The following PCDHA1 variants were observed in gnomAD, a reference collection of about 807,000 sequenced individuals.
The protein encoded by PCDHA1 is protocadherin alpha-1.
In PCDHA1, 42 loss-of-function variants were observed where a neutral mutation model predicts 61.3. The ratio of observed to expected loss-of-function variants is 0.69; its 90% CI spans 0.54 to 0.89. The LOEUF (loss-of-function observed/expected upper bound fraction) is 0.89, where lower values mean the gene tolerates loss of function less well. Among genes scored for constraint, PCDHA1 ranks in the 40% least tolerant of loss-of-function variants. The probability of loss-of-function intolerance (pLI) is 0.00; values close to 1 mark genes in which losing one functional copy is unlikely to be tolerated. For synonymous variants in PCDHA1, 610 were observed against 553.8 expected (o/e 1.10, Z -1.43); for missense variants, 1,256 against 1,235.3 (o/e 1.02, Z -0.25).
In PCDHA1 at chr5:140,801,882, A is replaced by G. The variant is rs782326685; in HGVS notation, c.2394+13198A>G. On this transcript the variant is annotated intron_variant, in intron 1 of 3. Coordinates refer to ENST00000504120, the MANE Select transcript of PCDHA1 (RefSeq NM_018900.4). ...AGAGCTCACTGGCACGACTCAACTA[A>G]AGATCACTGTTTTAGATGTAAACGA... The G allele has an allele frequency of 1.9e-6, 3 of 1,614,186 alleles. No homozygotes were observed. The highest frequency in any genetic ancestry group is 2.5e-6 in the Non-Finnish European group (3 of 1,180,050).
At position 140,853,244 on chromosome 5, in the gene PCDHA1, T is replaced by C. The variant is rs954151249; in HGVS notation, c.2394+64560T>C. ...TTGGTAATTTAGTCCTTCATATTAATCTCTATTCTCTCTCAGAGTACAAGC... is the reference window on the plus strand; with the variant it reads ...TTGGTAATTTAGTCCTTCATATTAACCTCTATTCTCTCTCAGAGTACAAGC... On this transcript the variant is annotated intron_variant, in intron 1 of 3. Transcript: ENST00000504120. 6.8e-5 allele frequency: 66 copies of C among 975,168 alleles called. 5 individuals carry two copies. Among genetic ancestry groups the C allele is most frequent in the Non-Finnish European group, 7.9e-5 (64 of 808,328 alleles). 60.4% of individuals were successfully genotyped at this position (975,168 alleles called of 1,614,324 possible).
At chr5:141,007,933 A>T (rs1168610845) in intron 3 of PCDHA1, among the ~76,000 whole-genome samples, 1 of 152,212 alleles carries the variant, frequency 6.6e-6, no homozygotes, top group African/African-American at 2.4e-5. Context: ...TGGAATTCTA[A>T]GCCACCTTTT....
chr5:140,877,604 T>G (rs376081263), intron 1 of PCDHA1: 2 of 1,613,768 alleles, frequency 1.2e-6, no homozygotes, highest in African/African-American at 1.3e-5. Context: ...TCCAGCCTGC[T>G]GGTGCTCACG....
At chr5:140,993,509 CGGGGAGAG>C (rs2097568152) in intron 3 of PCDHA1, among the ~76,000 whole-genome samples, 1 of 143,490 alleles carries the variant, frequency 7.0e-6, no homozygotes, top group Non-Finnish European at 1.5e-5. Flanking sequence ...CACACACACA[CGGGGAGAG>C]AGAGACAGAG....
At chr5:140,967,091 G>A (rs782261207) in intron 1 of PCDHA1, 1 of 1,613,196 alleles carries the variant, frequency 6.2e-7, no homozygotes. Context: ...TGATCGGGAG[G>A]CGCTGTGTGA....
At chr5:140,864,237 C>G (rs2048381218) in intron 1 of PCDHA1, 2 of 152,002 alleles carry the variant, frequency 1.3e-5, no homozygotes, top group Non-Finnish European at 2.9e-5. Flanking sequence ...GTTCTTTATT[C>G]CTATTCATTT....
At chr5:140,870,671 A>T in intron 1 of PCDHA1, 1 of 1,612,606 alleles carries the variant, frequency 6.2e-7, no homozygotes, top group Non-Finnish European at 8.5e-7. Context: ...CAGCCGTTGG[A>T]CCACGAGGAG....
chr5:140,922,784 C>G (rs1399042980), intron 1 of PCDHA1, among the ~76,000 whole-genome samples: 1 of 152,140 alleles, frequency 6.6e-6, no homozygotes, highest in Non-Finnish European at 1.5e-5. Context: ...GGAGAGAAAA[C>G]TGTAGCTTTG....
chr5:140,881,655 C>T (rs1336529643), intron 1 of PCDHA1, among the ~76,000 whole-genome samples: 1 of 152,120 alleles, frequency 6.6e-6, no homozygotes, highest in Non-Finnish European at 1.5e-5. Flanking sequence ...TCACCTTCAC[C>T]GATTTTATTC....
At chr5:140,872,610 T>C (rs1270918795) in intron 1 of PCDHA1, among the ~76,000 whole-genome samples, 2 of 152,146 alleles carry the variant, frequency 1.3e-5, no homozygotes, top group Non-Finnish European at 2.9e-5. Context: ...AAAATAATTT[T>C]TTTTGCCTGT....
At chr5:140,969,346 AG>A (rs2096322383) in intron 1 of PCDHA1, 1 of 1,613,510 alleles carries the variant, frequency 6.2e-7, no homozygotes, top group African/African-American at 1.3e-5. Flanking sequence ...GACAGTGGTC[AG>A]GGGGTCTTCT....
rs375292703 is a variant in PCDHA1 at position 140,787,253 on chromosome 5, G to A, written c.963G>A (p.Lys321=). The A allele has an allele frequency of 1.2e-6, 2 of 1,614,086 alleles. No homozygotes were observed. Among genetic ancestry groups the A allele is most frequent in the African/African-American group, 1.3e-5 (1 of 74,948 alleles). ...EETKSYEIQV[K]AVDKGSPPMS... ...CAAAATCCTACGAAATTCAAGTAAAGGCAGTTGATAAAGGAAGTCCTCCGA... is the reference window on the plus strand; with the variant it reads ...CAAAATCCTACGAAATTCAAGTAAAAGCAGTTGATAAAGGAAGTCCTCCGA... Residue 321 remains lysine, a synonymous_variant, in exon 1 of 4, where the codon AAG becomes AAA. Transcript: ENST00000504120.
Position 140,795,301 on chromosome 5 carries a change from C to A in PCDHA1, c.2394+6617C>A, listed in dbSNP as rs7727472. The A allele has an allele frequency of 3.5e-5, 57 of 1,614,192 alleles. No homozygotes were observed. In the African/African-American group the frequency reaches 6.9e-4, roughly 20 times the overall value. On this transcript the variant is annotated intron_variant, in intron 1 of 3. Coordinates refer to ENST00000504120, the MANE Select transcript of PCDHA1 (RefSeq NM_018900.4). ...CCACGTGGAGGTGATCGTGGACAGGCCGCTGCAGGTTTTCCATGTGGAAGT... is the reference window on the plus strand; with the variant it reads ...CCACGTGGAGGTGATCGTGGACAGGACGCTGCAGGTTTTCCATGTGGAAGT...
intron 1 of PCDHA1, chr5:140,969,250 C>T (rs1554231631): frequency 6.2e-7 from 1 of 1,614,216 alleles, no homozygotes; most frequent in Admixed American, 1.7e-5. Flanking sequence ...CAGTGACTGA[C>T]AGCAGGAATC....
chr5:140,876,979 G>A (rs1554169178), intron 1 of PCDHA1: 2 of 1,612,614 alleles, frequency 1.2e-6, no homozygotes, highest in South Asian at 2.2e-5. Flanking sequence ...GGGCGAGCAC[G>A]CACTGTCGAG....
chr5:140,954,390 C>A (rs2095030202), intron 1 of PCDHA1, among the ~76,000 whole-genome samples: 1 of 152,204 alleles, frequency 6.6e-6, no homozygotes, highest in South Asian at 2.1e-4. Context: ...AACTAATTTA[C>A]AACCCCACCA....
intron 1 of PCDHA1, chr5:140,848,382 A>G (rs1781481675): frequency 8.4e-7 from 1 of 1,188,868 alleles, no homozygotes; most frequent in Non-Finnish European, 1.2e-6. Context: ...ATTCTTTTTC[A>G]CTCTCTCTGT....
intron 3 of PCDHA1, among the ~76,000 whole-genome samples, chr5:140,986,383 A>G (rs1277624649): frequency 2.6e-5 from 4 of 152,178 alleles, no homozygotes; most frequent in Admixed American, 1.3e-4. Flanking sequence ...GGGGAGGGAC[A>G]TTAAAGGGCC....
At position 140,788,234 on chromosome 5, in the gene PCDHA1, G is replaced by C; in HGVS notation, c.1944G>C (p.Leu648=). ...CTGACTTGTCGCGCTACCGCCTTCT[G>C]GTGCTAGTGAAGGATCACGGTGAGC... ...DEADLSRYRL[L]VLVKDHGEPA... is the part of the protein sequence containing the mutation. Residue 648 remains leucine (L), a synonymous_variant, in exon 1 of 4, where the codon CTG becomes CTC. Transcript: ENST00000504120. The C allele has an allele frequency of 6.2e-7, 1 of 1,614,036 alleles. No individual in the cohort carries two copies. The highest frequency in any genetic ancestry group is 8.5e-7 in the Non-Finnish European group (1 of 1,179,942).
Sources: allele counts gnomAD v4.1 joint callset (sites outside exome capture counted in the v4.1 genomes callset), GRCh38; gene constraint gnomAD v4.1.1; transcripts MANE v1.5; gene names NCBI Gene and HGNC (gene_info 2026-07-23, HGNC 2026-07-21).